The following SORCS3 variants were observed in gnomAD, a reference collection of about 807,000 sequenced individuals.
SORCS3 encodes the protein sortilin related VPS10 domain containing receptor 3.
In SORCS3, 57 loss-of-function variants were observed where a neutral mutation model predicts 146.3. The observed-to-expected ratio is 0.39, with a 90% CI of 0.31 to 0.49. The LOEUF is 0.49. Among genes scored for constraint, SORCS3 ranks in the 20% least tolerant of loss-of-function variants. SORCS3 has a pLI of 0.92. For missense variants in SORCS3, 1,341 were observed against 1,575.5 expected, an observed-to-expected ratio of 0.85 and a Z score of 2.52; for synonymous variants, 653 against 618.5, an observed-to-expected ratio of 1.06 and a Z score of -0.83.
At chr10:105,102,347 C>G (rs930675956) in intron 6 of SORCS3, among the ~76,000 whole-genome samples, 3 of 152,036 alleles carry the variant, frequency 2.0e-5, no homozygotes, top group Non-Finnish European at 4.4e-5. Context: ...ATCATGCAAC[C>G]ATAAAAAAGA....
chr10:104,818,487 T>C (rs2017833698), intron 1 of SORCS3, among the ~76,000 whole-genome samples: 1 of 151,510 alleles, frequency 6.6e-6, no homozygotes, highest in Admixed American at 6.6e-5. Context: ...CCAGGTAGAC[T>C]CGGGGAGAGG....
intron 4 of SORCS3, among the ~76,000 whole-genome samples, chr10:104,983,301 C>A (rs985867444): frequency 2.6e-5 from 4 of 151,332 alleles, no homozygotes; most frequent in African/African-American, 9.7e-5. Flanking sequence ...GCACCGCACC[C>A]AGCCCCAAGC....
In SORCS3 at chr10:104,848,315, C is replaced by T. The variant is rs941402319; in HGVS notation, c.695+5456C>T. On this transcript the variant is annotated intron_variant, in intron 2 of 26. Transcript: ENST00000369701. The stretch of plus-strand genomic sequence containing the variant: ...TAATTGTTCTGTCAGTGACCTTTCT[C>T]GGGGATGCTGCTTTTTTAAAATAGA... Among the ~76,000 whole-genome samples the T allele has an allele frequency of 5.3e-5, 8 of 151,958 alleles. No homozygotes were observed. In the South Asian group the frequency reaches 6.2e-4, roughly 12 times the overall value.
intron 1 of SORCS3, among the ~76,000 whole-genome samples, chr10:104,827,232 T>G (rs553538689): frequency 1.6e-4 from 24 of 152,306 alleles, no homozygotes; most frequent in African/African-American, 5.5e-4. Flanking sequence ...CAGGCGGTTT[T>G]CAATTTACTT....
chr10:105,029,120 A>T (rs2055248606), intron 4 of SORCS3, among the ~76,000 whole-genome samples: 1 of 152,190 alleles, frequency 6.6e-6, no homozygotes, highest in African/African-American at 2.4e-5. Flanking sequence ...CAGCTGGGGA[A>T]CTTTAAAGCT....
chr10:104,900,329 G>T (rs2018838641), intron 2 of SORCS3, among the ~76,000 whole-genome samples: 2 of 152,180 alleles, frequency 1.3e-5, no homozygotes, highest in Admixed American at 6.5e-5. Context: ...CCAGTAAACA[G>T]ATTATGCTTC....
chr10:105,256,990 C>T lies in SORCS3; in HGVS notation c.3443+66C>T, dbSNP rs2056935450. Reference sequence around the variant, plus strand: ...TCATTGCAAATGATTCTTCCTATAACTAACTTTACTAAACTCATCGCAAGA... The same window carrying T: ...TCATTGCAAATGATTCTTCCTATAATTAACTTTACTAAACTCATCGCAAGA... On this transcript the variant is annotated intron_variant, in intron 25 of 26. Coordinates refer to ENST00000369701, the MANE Select transcript of SORCS3 (RefSeq NM_014978.3). 3 of 1,106,402 alleles carry T rather than the reference C, an allele frequency of 2.7e-6. No homozygotes were observed. The East Asian group carries it at 7.1e-5, about 26-fold the overall frequency. The allele number at this position is 1,106,402 out of a possible 1,614,324, so 68.5% of individuals were successfully genotyped here. A position where few individuals can be genotyped will look rare whatever the true frequency, so the allele number is the denominator to read the frequency against.
chr10:105,036,616 C>T (rs1232102834), intron 4 of SORCS3, among the ~76,000 whole-genome samples: 1 of 152,154 alleles, frequency 6.6e-6, no homozygotes, highest in Non-Finnish European at 1.5e-5. Flanking sequence ...CACCAGTTAT[C>T]AAGATCTGTT....
At chr10:105,093,265 T>A (rs2133744092) in intron 6 of SORCS3, among the ~76,000 whole-genome samples, 1 of 152,278 alleles carries the variant, frequency 6.6e-6, no homozygotes, top group African/African-American at 2.4e-5. Flanking sequence ...TATACAAAAT[T>A]TAACTCCAAA....
chr10:105,242,814 TA>T (rs1564793867), intron 20 of SORCS3, among the ~76,000 whole-genome samples: 2 of 63,396 alleles, frequency 3.2e-5, no homozygotes, highest in African/African-American at 6.0e-5. Flanking sequence ...AATTTATATA[TA>T]TTTTTATATA....
intron 2 of SORCS3, among the ~76,000 whole-genome samples, chr10:104,890,428 G>T (rs1030632900): frequency 6.6e-6 from 1 of 151,934 alleles, no homozygotes; most frequent in Non-Finnish European, 1.5e-5. Context: ...TTCTATTGCT[G>T]TGTTTTCAAT....
chr10:104,754,803 A>G (rs1344975010), intron 1 of SORCS3, among the ~76,000 whole-genome samples: 1 of 152,252 alleles, frequency 6.6e-6, no homozygotes, highest in African/African-American at 2.4e-5. Context: ...CTCTGTGCCC[A>G]TATATTGACA....
chr10:105,023,407 G>A (rs1430329354), intron 4 of SORCS3, among the ~76,000 whole-genome samples: 2 of 152,184 alleles, frequency 1.3e-5, no homozygotes, highest in Non-Finnish European at 2.9e-5. Context: ...CCAGAAGAAA[G>A]AGATCAGAGA....
intron 4 of SORCS3, among the ~76,000 whole-genome samples, chr10:105,038,060 C>T (rs1416221878): frequency 2.0e-5 from 3 of 152,134 alleles, no homozygotes; most frequent in Admixed American, 2.0e-4. Context: ...GTGTTTGTTG[C>T]TGCTGAATTT....
At chr10:104,694,294 G>A (rs1342192274) in intron 1 of SORCS3, among the ~76,000 whole-genome samples, 1 of 151,542 alleles carries the variant, frequency 6.6e-6, no homozygotes, top group African/African-American at 2.4e-5. Flanking sequence ...TGTTGGTTTG[G>A]GGAAGTGACA....
Position 104,765,664 on chromosome 10 carries a change from G to A in SORCS3, c.628-77128G>A, listed in dbSNP as rs754662616. 4.6e-5 allele frequency among the ~76,000 whole-genome samples: 7 copies of A among 152,304 alleles called. No individual in the cohort carries two copies. The South Asian group carries it at 8.3e-4, about 18-fold the overall frequency. On this transcript the variant is annotated intron_variant, in intron 1 of 26. Coordinates refer to ENST00000369701, the MANE Select transcript of SORCS3 (RefSeq NM_014978.3). ...AATCTAGATGACCTTCCTACATGCC[G>A]TTGGATGGGGAGAAATAACAATTAT...
chr10:104,862,829 C>A (rs1221432296), intron 2 of SORCS3, among the ~76,000 whole-genome samples: 2 of 152,218 alleles, frequency 1.3e-5, no homozygotes, highest in Non-Finnish European at 2.9e-5. Flanking sequence ...TAAATCAAAT[C>A]TGCAAAAATC....
chr10:105,091,567 T>G (rs906682613), intron 6 of SORCS3, among the ~76,000 whole-genome samples: 3 of 145,678 alleles, frequency 2.1e-5, no homozygotes, highest in Non-Finnish European at 3.0e-5. Context: ...CTTCCTTCCC[T>G]TCCTCCTTCC....
chr10:105,144,606 C>T (rs2056117905), intron 8 of SORCS3, among the ~76,000 whole-genome samples: 1 of 152,050 alleles, frequency 6.6e-6, no homozygotes, highest in Non-Finnish European at 1.5e-5. Flanking sequence ...AATTGCTTTC[C>T]AAATATAAAT....
Sources: gnomAD v4.1 joint callset for allele counts (sites outside exome capture counted in the v4.1 genomes callset) on GRCh38, gnomAD v4.1.1 for gene constraint, MANE v1.5 for transcripts, NCBI Gene and HGNC (gene_info 2026-07-23, HGNC 2026-07-21) for gene names.